The following GDF1 variants were observed in gnomAD, a reference collection of about 807,000 sequenced individuals.
The protein encoded by GDF1 is growth differentiation factor 1.
In GDF1, 8 loss-of-function variants were observed where a neutral mutation model predicts 7.4. The ratio of observed to expected loss-of-function variants is 1.09; its 90% CI spans 0.64 to 1.96. GDF1 has a LOEUF of 1.96. Among genes scored for constraint, GDF1 ranks in the 30% most tolerant of loss-of-function variants. GDF1 has a pLI of 0.00. For synonymous variants in GDF1, 311 were observed against 276.7 expected, an observed-to-expected ratio of 1.12 and a Z score of -1.23; for missense variants, 574 against 551.5, an observed-to-expected ratio of 1.04 and a Z score of -0.41.
At position 18,868,843 on chromosome 19, in the gene GDF1, G is replaced by A. The variant is rs1190004222; in HGVS notation, c.873C>T (p.Phe291=). 2.8e-6 allele frequency: 4 copies of A among 1,450,420 alleles called. No homozygotes were observed. The African/African-American group carries it at 5.9e-5, about 22-fold the overall frequency. The allele number at this position is 1,450,420 out of a possible 1,614,324, so 89.8% of individuals were successfully genotyped here. A position where few individuals can be genotyped will look rare whatever the true frequency, so the allele number is the denominator to read the frequency against. ...WHRWVIAPRG[F]LANYCQGQCA... is the part of the protein sequence containing the mutation. Reference sequence around the variant, plus strand: ...ACTGACCCTGGCAGTAGTTGGCCAGGAAGCCGCGCGGCGCGATGACCCAGC... The same window carrying A: ...ACTGACCCTGGCAGTAGTTGGCCAGAAAGCCGCGCGGCGCGATGACCCAGC... Residue 291 remains phenylalanine, a synonymous_variant, in exon 8 of 8, where the codon TTC becomes TTT. Coordinates refer to ENST00000247005, the MANE Select transcript of GDF1 (RefSeq NM_001492.6).
At chr19:18,880,072 T>C (rs1307049420) in intron 4 of GDF1, among the ~76,000 whole-genome samples, 1 of 150,654 alleles carries the variant, frequency 6.6e-6, no homozygotes, top group Non-Finnish European at 1.5e-5. Flanking sequence ...CTAGCTCAGT[T>C]GGCCCCACCC....
rs2056596696 is a variant in GDF1, at chr19:18,895,253, A to G, written c.-1074+571T>C. 6.6e-6 allele frequency among the ~76,000 whole-genome samples: 1 copy of G among 152,218 alleles called. No individual in the cohort carries two copies. On this transcript the variant is annotated intron_variant, in intron 1 of 7. Coordinates refer to ENST00000247005, the MANE Select transcript of GDF1 (RefSeq NM_001492.6). The surrounding 1 kb of genome is among the most constrained non-coding windows in gnomAD (Gnocchi z 6.4). ...GGGCAGCTCCTGCCTCTTCCCGATT[A>G]CAGCGGGCAAGCCGGCCCCGCCGCC...
rs1329965974 is a variant in GDF1 at position 18,870,335 on chromosome 19, G to A, written c.-28C>T. 5.2e-6 allele frequency: 8 copies of A among 1,543,762 alleles called. No individual in the cohort carries two copies. Among genetic ancestry groups the A allele is most frequent in the Non-Finnish European group, 7.0e-6 (8 of 1,145,958 alleles). On this transcript the variant is annotated 5_prime_UTR_variant, in exon 7 of 8. Coordinates refer to ENST00000247005, the MANE Select transcript of GDF1 (RefSeq NM_001492.6). The surrounding 1 kb of genome is among the most constrained non-coding windows in gnomAD (Gnocchi z 5.1). The stretch of plus-strand genomic sequence containing the variant: ...TCCTCCCAGGCGATGACCAGAGAGT[G>A]CGCAGGGTCCGCGGCGGCCCGGGAC...
rs775765825 is a variant in GDF1 at position 18,878,916 on chromosome 19, C to T, written c.-313+14G>A. On this transcript the variant is annotated intron_variant, in intron 6 of 7. Coordinates refer to ENST00000247005, the MANE Select transcript of GDF1 (RefSeq NM_001492.6). The surrounding 1 kb of genome is among the most constrained non-coding windows in gnomAD (Gnocchi z 4.6). ...AAAGGAGGGAACGCGGGGTGCGGGC[C>T]CCTCCACACTCACTCGGCTTTGCTG... 1.7e-5 allele frequency: 28 copies of T among 1,612,954 alleles called. No homozygotes were observed. The South Asian group carries it at 3.0e-4, about 17-fold the overall frequency.
rs920203172 is a variant in GDF1 at position 18,895,998 on chromosome 19, G to A, written c.-1248C>T. 1 of 1,032,152 alleles carries A rather than the reference G, an allele frequency of 9.7e-7. No homozygotes were observed. The highest frequency in any genetic ancestry group is 3.6e-5 in the South Asian group (1 of 27,822). 63.9% of individuals were successfully genotyped at this position (1,032,152 alleles called of 1,614,324 possible). The stretch of plus-strand genomic sequence containing the variant: ...CCGCCGCCAGCGCGCTGCCCCAGCC[G>A]CGCTGCACTAGCTGCGCGTAGCTCG... On this transcript the variant is annotated 5_prime_UTR_variant, in exon 1 of 8. Transcript: ENST00000247005. The surrounding 1 kb of genome is among the most constrained non-coding windows in gnomAD (Gnocchi z 6.4).
At chr19:18,884,874 C>A (rs544705786) in intron 2 of GDF1, among the ~76,000 whole-genome samples, 3 of 151,506 alleles carry the variant, frequency 2.0e-5, no homozygotes, top group African/African-American at 7.3e-5. Context: ...ACACCATGCC[C>A]GGCTAATTTT....
chr19:18,877,936 T>C, intron 6 of GDF1: 1 of 978,752 alleles, frequency 1.0e-6, no homozygotes, highest in Non-Finnish European at 1.2e-6. Flanking sequence ...TTCTTTTATT[T>C]CTGTTTCATC....
chr19:18,891,397 C>A (rs895883579), intron 2 of GDF1, among the ~76,000 whole-genome samples: 2 of 152,150 alleles, frequency 1.3e-5, no homozygotes, highest in African/African-American at 4.8e-5. Context: ...CCCCCACTGC[C>A]CCATCGCAGA....
chr19:18,886,872 AC>A (rs753671257), intron 2 of GDF1, among the ~76,000 whole-genome samples: 6 of 150,968 alleles, frequency 4.0e-5, no homozygotes, highest in Non-Finnish European at 7.4e-5. Flanking sequence ...TGCCACCCCC[AC>A]CCCAGTCCAG....
chr19:18,892,804 G>C (rs867271278), intron 2 of GDF1, among the ~76,000 whole-genome samples: 2 of 152,046 alleles, frequency 1.3e-5, no homozygotes, highest in Non-Finnish European at 2.9e-5. Flanking sequence ...GCTCCAACAC[G>C]GCCAGATACC....
Position 18,870,219 on chromosome 19 carries a change from GGGGCGCGGGTCAGGGGCAGCGA to G in GDF1, c.67_88del (p.Ser23ProfsTer14). 1 of 1,556,484 alleles carries G rather than the reference GGGGCGCGGGTCAGGGGCAGCGA, an allele frequency of 6.4e-7. No homozygotes were observed. Among genetic ancestry groups the G allele is most frequent in the Non-Finnish European group, 8.6e-7 (1 of 1,156,344 alleles). On this transcript the variant is annotated frameshift_variant, in exon 7 of 8. Transcript: ENST00000247005. LOFTEE classifies it high-confidence loss of function. This position sits in a 1 kb window ranked among gnomAD's most constrained non-coding sequence, Gnocchi z 5.1. ...GGCGGCGGCTGGGCCTGGGGGCACG[GGGGCGCGGGTCAGGGGCAGCGA>G]GGGCAGCAGCAGGGCCAGGAGGAGG...
At position 18,892,835 on chromosome 19, in the gene GDF1, TCA is replaced by T. The variant is rs1182414990; in HGVS notation, c.-914+579_-914+580del. On this transcript the variant is annotated intron_variant, in intron 2 of 7. Transcript: ENST00000247005. ...ATACCCCCTTTCCTGTCCCCAGGGA[TCA>T]CCTTTGTCTTGGGGCTGGCTTAACT... Among the ~76,000 whole-genome samples the T allele has an allele frequency of 2.0e-5, 3 of 152,178 alleles. 1 individual carries two copies. Among genetic ancestry groups the T allele is most frequent in the African/African-American group, 7.2e-5 (3 of 41,434 alleles).
At chr19:18,887,988 A>G (rs1487079462) in intron 2 of GDF1, among the ~76,000 whole-genome samples, 1 of 152,056 alleles carries the variant, frequency 6.6e-6, no homozygotes, top group Non-Finnish European at 1.5e-5. Flanking sequence ...GGAACCTCAT[A>G]TAAGTGGAAT....
rs778442978 is a variant in GDF1, at chr19:18,869,355, C to T, written c.361G>A (p.Ala121Thr). The T allele has an allele frequency of 2.0e-6, 3 of 1,531,998 alleles. No individual in the cohort carries two copies. The highest frequency in any genetic ancestry group is 2.4e-5 in the South Asian group (2 of 83,962). The allele number at this position is 1,531,998 out of a possible 1,614,324, so 94.9% of individuals were successfully genotyped here. The change falls in exon 8 of 8, where the codon GCG becomes ACG. Residue 121 changes from alanine (A) to threonine (T), a missense_variant. Ala to Thr is a moderately conservative substitution (Grantham distance 58). Coordinates refer to ENST00000247005, the MANE Select transcript of GDF1 (RefSeq NM_001492.6). ...PTRASEPASA[A>T]GHCPEWTVVF... ...ACTGTCCACTCAGGGCAATGCCCCGCGGCCGAGGCAGGCTCCGAGGCCCGG... is the reference window on the plus strand; with the variant it reads ...ACTGTCCACTCAGGGCAATGCCCCGTGGCCGAGGCAGGCTCCGAGGCCCGG...
Position 18,878,103 on chromosome 19 carries a change from A to C in GDF1, c.-313+827T>G. On this transcript the variant is annotated intron_variant, in intron 6 of 7. Transcript: ENST00000247005. The surrounding 1 kb of genome is among the most constrained non-coding windows in gnomAD (Gnocchi z 4.6). ...GAGCTCTGAGCCACTGCTTCCCTGA[A>C]ACCATCGTTCCCACGTCACCGATGG... 1 of 985,596 alleles carries C rather than the reference A, an allele frequency of 1.0e-6. No homozygotes were observed. The highest frequency in any genetic ancestry group is 1.2e-6 in the Non-Finnish European group (1 of 830,016). The allele number at this position is 985,596 out of a possible 1,614,324, so 61.1% of individuals were successfully genotyped here.
chr19:18,881,516 G>A (rs977247137), intron 3 of GDF1, among the ~76,000 whole-genome samples: 4 of 151,938 alleles, frequency 2.6e-5, no homozygotes, highest in Non-Finnish European at 5.9e-5. Context: ...CACCGTGCCC[G>A]GCCCCATTAG....
rs1268262408 is a variant in GDF1, at chr19:18,895,197, G to A, written c.-1074+627C>T. Reference sequence around the variant, plus strand: ...TTGCCATCCCTGGTCGGAGGGTGGCGCTGACCCCAGATAGGCACAAGGCAG... The same window carrying A: ...TTGCCATCCCTGGTCGGAGGGTGGCACTGACCCCAGATAGGCACAAGGCAG... On this transcript the variant is annotated intron_variant, in intron 1 of 7. Coordinates refer to ENST00000247005, the MANE Select transcript of GDF1 (RefSeq NM_001492.6). This position sits in a 1 kb window ranked among gnomAD's most constrained non-coding sequence, Gnocchi z 6.4. 6.6e-6 allele frequency among the ~76,000 whole-genome samples: 1 copy of A among 152,224 alleles called. No homozygotes were observed. Among genetic ancestry groups the A allele is most frequent in the Non-Finnish European group, 1.5e-5 (1 of 68,038 alleles).
chr19:18,895,595 TC>T lies in GDF1; in HGVS notation c.-1074+228del, dbSNP rs2056606189. Reference sequence around the variant, plus strand: ...GGCCACACCCCCGCATCTACCCGGTTCCCCCACGCAGCACTGTCTGAAGGGG... The same window carrying T: ...GGCCACACCCCCGCATCTACCCGGTTCCCCACGCAGCACTGTCTGAAGGGG... On this transcript the variant is annotated intron_variant, in intron 1 of 7. Transcript: ENST00000247005. The surrounding 1 kb of genome is among the most constrained non-coding windows in gnomAD (Gnocchi z 6.4). Among the ~76,000 whole-genome samples, 1 of 149,942 alleles carries T rather than the reference TC, an allele frequency of 6.7e-6. No individual in the cohort carries two copies. The highest frequency in any genetic ancestry group is 1.5e-5 in the Non-Finnish European group (1 of 67,498).
At position 18,868,722 on chromosome 19, in the gene GDF1, C is replaced by T. The variant is rs1057491518; in HGVS notation, c.994G>A (p.Ala332Thr). 14 of 1,541,270 alleles carry T rather than the reference C, an allele frequency of 9.1e-6. No homozygotes were observed. The highest frequency in any genetic ancestry group is 1.2e-5 in the Non-Finnish European group (14 of 1,141,240). ...GCGGGCACGCAGCAGGGCAGGTCGGCGGCTCCCGGGGCGGCCGCGTGCATG... is the reference window on the plus strand; with the variant it reads ...GCGGGCACGCAGCAGGGCAGGTCGGTGGCTCCCGGGGCGGCCGCGTGCATG... ...ALMHAAAPGA[A>T]DLPCCVPARL... The change falls in exon 8 of 8, where the codon GCC (alanine) becomes ACC (threonine). Residue 332 changes from alanine to threonine, a missense_variant. Physicochemically the swap from Ala to Thr is moderately conservative, Grantham distance 58. Transcript: ENST00000247005.
Sources: allele counts gnomAD v4.1 joint callset (sites outside exome capture counted in the v4.1 genomes callset), GRCh38; gene constraint gnomAD v4.1.1; non-coding constraint Gnocchi (gnomAD v3.1); transcripts MANE v1.5; gene names NCBI Gene and HGNC (gene_info 2026-07-23, HGNC 2026-07-21).